The following ZMIZ1 variants were observed in gnomAD, a reference collection of about 807,000 sequenced individuals.
ZMIZ1 encodes zinc finger MIZ domain-containing protein 1.
ZMIZ1 carries 17 observed loss-of-function variants against 113.9 expected under a neutral mutation model. That is an observed-to-expected ratio of 0.15 (90% CI 0.10 to 0.22). ZMIZ1 has a LOEUF of 0.22. ZMIZ1 is among the 10% of genes least tolerant of loss of function. The pLI is 1.00. For missense variants in ZMIZ1, 1,059 were observed against 1,477.8 expected, an observed-to-expected ratio of 0.72 and a Z score of 4.65; for synonymous variants, 607 against 603.1, an observed-to-expected ratio of 1.01 and a Z score of -0.09.
chr10:79,184,467 G>T (rs982904055), intron 4 of ZMIZ1, among the ~76,000 whole-genome samples: 2 of 152,196 alleles, frequency 1.3e-5, no homozygotes, highest in Non-Finnish European at 2.9e-5. Flanking sequence ...CTGGCAGCTG[G>T]AGAACTAATT....
Position 79,291,026 on chromosome 10 carries a change from G to A in ZMIZ1, c.608G>A (p.Gly203Asp), listed in dbSNP as rs780019375. Residue 203 changes from glycine to aspartate, a missense_variant, in exon 10 of 25, where the codon GGC becomes GAC. By Grantham distance (94) the Gly-to-Asp change is moderately conservative. This residue lies in a region of ZMIZ1 where 272 missense variants were observed against 350.4 expected (regional missense o/e 0.78). Transcript: ENST00000334512. ...CCAGGCGGCAACCCCATGGCGTCGG[G>A]CATGACCACCAGCAACCCAGGCCTC... ...MNPGGNPMAS[G>D]MTTSNPGLNS... The A allele has an allele frequency of 1.2e-6, 2 of 1,614,230 alleles. No individual in the cohort carries two copies. Among genetic ancestry groups the A allele is most frequent in the South Asian group, 1.1e-5 (1 of 91,086 alleles).
At chr10:79,203,015 C>T (rs956664381) in intron 5 of ZMIZ1, among the ~76,000 whole-genome samples, 3 of 152,216 alleles carry the variant, frequency 2.0e-5, no homozygotes, top group African/African-American at 7.2e-5. Flanking sequence ...GTGTGGTGTC[C>T]ATTGTCCTCA....
intron 7 of ZMIZ1, among the ~76,000 whole-genome samples, chr10:79,230,734 T>C (rs926863762): frequency 2.6e-5 from 4 of 152,218 alleles, no homozygotes; most frequent in African/African-American, 9.6e-5. Context: ...GTGGTGCCTG[T>C]GCTTGATTGT....
At chr10:79,260,336 G>C (rs999705403) in intron 7 of ZMIZ1, among the ~76,000 whole-genome samples, 1 of 152,232 alleles carries the variant, frequency 6.6e-6, no homozygotes, top group Non-Finnish European at 1.5e-5. Context: ...TAGGTGCTCT[G>C]AAGAACAATG....
At chr10:79,282,644 C>T (rs974953866) in intron 8 of ZMIZ1, among the ~76,000 whole-genome samples, 6 of 152,230 alleles carry the variant, frequency 3.9e-5, no homozygotes, top group African/African-American at 1.4e-4. Context: ...GACCCTTGAC[C>T]TCTTGGCCTC....
intron 6 of ZMIZ1, among the ~76,000 whole-genome samples, chr10:79,211,844 A>G (rs1167404776): frequency 1.3e-5 from 2 of 152,208 alleles, no homozygotes; most frequent in African/African-American, 2.4e-5. Context: ...GGCTTAGGGA[A>G]CGGCGGAAGA....
At chr10:79,098,667 C>T (rs953091512) in intron 1 of ZMIZ1, among the ~76,000 whole-genome samples, 6 of 152,234 alleles carry the variant, frequency 3.9e-5, no homozygotes, top group African/African-American at 9.6e-5. Flanking sequence ...CTCATACAGC[C>T]GCCCAGAAGC....
intron 24 of ZMIZ1, 117 bp downstream of exon 24, chr10:79,311,301 T>TGGTTGGTGGGGGGGGGGGGGG: frequency 8.5e-6 from 1 of 116,960 alleles, no homozygotes; most frequent in Non-Finnish European, 1.6e-5. Context: ...GGGTGGGCGG[T>TGGTTGGTGGGGGGGGGGGGGG]GGGAGGGCTT....
chr10:79,148,515 C>T (rs1845583251), intron 3 of ZMIZ1, among the ~76,000 whole-genome samples: 1 of 152,214 alleles, frequency 6.6e-6, no homozygotes, highest in Admixed American at 6.5e-5. Flanking sequence ...GGAAGAGTCC[C>T]ACAGGCTCGT....
chr10:79,109,918 G>A (rs2132290383), intron 1 of ZMIZ1, among the ~76,000 whole-genome samples: 1 of 152,378 alleles, frequency 6.6e-6, no homozygotes. Context: ...TCTGTAAGAT[G>A]GCAATAATGA....
chr10:79,275,375 T>C (rs1255577174), intron 7 of ZMIZ1, among the ~76,000 whole-genome samples: 5 of 151,940 alleles, frequency 3.3e-5, no homozygotes, highest in Non-Finnish European at 7.4e-5. Flanking sequence ...GGCCCCCTCC[T>C]GGAGGGAGAA....
intron 2 of ZMIZ1, among the ~76,000 whole-genome samples, chr10:79,128,613 C>T (rs534162222): frequency 8.5e-3 from 1 of 118 alleles, no homozygotes; most frequent in Non-Finnish European, 0.021. Context: ...GACCCTGGAA[C>T]TCAATAAATT....
rs10573955 is a variant in ZMIZ1, at chr10:79,157,368, GGTGTGTGT to G, written c.-130-4657_-130-4650del. 3.6e-3 allele frequency among the ~76,000 whole-genome samples: 528 copies of G among 147,690 alleles called. 1 individual carries two copies. Among genetic ancestry groups the G allele is most frequent in the African/African-American group, 4.1e-3 (165 of 40,004 alleles). ...AATGGTTCTCTCTGCAGGCATAAGG[GGTGTGTGT>G]GTGTGTGTGTGTGTGTGTGTGTGTG... On this transcript the variant is annotated intron_variant, in intron 3 of 24. Coordinates refer to ENST00000334512, the MANE Select transcript of ZMIZ1 (RefSeq NM_020338.4).
At chr10:79,245,765 G>C (rs976470060) in intron 7 of ZMIZ1, among the ~76,000 whole-genome samples, 3 of 152,210 alleles carry the variant, frequency 2.0e-5, no homozygotes, top group Non-Finnish European at 4.4e-5. Flanking sequence ...CAGTACAGTA[G>C]CCACTGGCCA....
chr10:79,079,910 A>G (rs1452800456), intron 1 of ZMIZ1, among the ~76,000 whole-genome samples: 1 of 152,196 alleles, frequency 6.6e-6, no homozygotes, highest in Non-Finnish European at 1.5e-5. Flanking sequence ...GGTCCCGCCC[A>G]GGTTCATGGT....
rs1029205592 is a variant in ZMIZ1 at position 79,314,838 on chromosome 10, G to A, written c.*2089G>A. ...GGCAGGGACAAGCCAACGCCAGGTA[G>A]CATGTGGCCACCCTTGCCCAGTGTC... On this transcript the variant is annotated 3_prime_UTR_variant, in exon 25 of 25. Transcript: ENST00000334512. The A allele has an allele frequency of 6.5e-6, 1 of 154,338 alleles. No individual in the cohort carries two copies. The highest frequency in any genetic ancestry group is 1.4e-5 in the Non-Finnish European group (1 of 69,612). 9.6% of individuals were successfully genotyped at this position (154,338 alleles called of 1,614,324 possible).
intron 1 of ZMIZ1, among the ~76,000 whole-genome samples, chr10:79,073,332 C>G (rs1156892812): frequency 6.6e-6 from 1 of 152,206 alleles, no homozygotes; most frequent in Non-Finnish European, 1.5e-5. Context: ...GGGTAGAACA[C>G]AAAGGGTTTA....
Position 79,123,839 on chromosome 10 carries a change from A to C in ZMIZ1, c.-227+4815A>C, listed in dbSNP as rs887271055. 1.4e-4 allele frequency among the ~76,000 whole-genome samples: 21 copies of C among 152,340 alleles called. No individual in the cohort carries two copies. In the South Asian group the frequency reaches 3.7e-3, roughly 27 times the overall value. ...CATGAAGACCTTGAATGCCAAGCCC[A>C]GCTCACAGCAGGCCTGGCCAGGGCC... is the stretch of plus-strand genomic sequence containing the variant. On this transcript the variant is annotated intron_variant, in intron 2 of 24. Transcript: ENST00000334512.
rs1042845307 is a variant in ZMIZ1 at position 79,070,713 on chromosome 10, C to T, written c.-337+1443C>T. 3.9e-5 allele frequency among the ~76,000 whole-genome samples: 6 copies of T among 152,054 alleles called. No individual in the cohort carries two copies. In the South Asian group the frequency reaches 8.3e-4, roughly 21 times the overall value. On this transcript the variant is annotated intron_variant, in intron 1 of 24. Transcript: ENST00000334512. The stretch of plus-strand genomic sequence containing the variant: ...AGGGTGCTTGGTACCCTTGCCTGAC[C>T]GGGGAGGCCTGACGGCCGGGTCCCT...
Sources: allele counts gnomAD v4.1 joint callset (sites outside exome capture counted in the v4.1 genomes callset), GRCh38; gene constraint gnomAD v4.1.1; regional missense constraint gnomAD v4.1.1; transcripts MANE v1.5; gene names NCBI Gene and HGNC (gene_info 2026-07-23, HGNC 2026-07-21).